RBMS3: variants seen among roughly 807,000 people sequenced by gnomAD.
RBMS3 encodes RNA-binding motif, single-stranded-interacting protein 3.
RBMS3 carries 27 observed loss-of-function variants against 66.8 expected under a neutral mutation model. The observed-to-expected ratio is 0.40, with a 90% CI of 0.30 to 0.56. The LOEUF is 0.56. Ranked by LOEUF, RBMS3 falls within the 20% of genes least tolerant of loss-of-function variation. RBMS3 has a pLI of 0.40. For missense variants in RBMS3, 513 were observed against 549.5 expected, an observed-to-expected ratio of 0.93 and a Z score of 0.66; for synonymous variants, 188 against 183.0, an observed-to-expected ratio of 1.03 and a Z score of -0.22.
intron 6 of RBMS3, among the ~76,000 whole-genome samples, chr3:29,786,896 TA>T (rs765924844): frequency 6.6e-6 from 1 of 152,006 alleles, no homozygotes; most frequent in African/African-American, 2.4e-5. Flanking sequence ...TGAGCAGAGT[TA>T]ACAGACAACC....
chr3:29,906,316 AGGC>A (rs554205404), intron 10 of RBMS3, among the ~76,000 whole-genome samples: 196 of 152,220 alleles, frequency 1.3e-3, no homozygotes, highest in Admixed American at 5.6e-3. Context: ...AGCTTGATAC[AGGC>A]AGCTGGTGAG....
intron 4 of RBMS3, among the ~76,000 whole-genome samples, chr3:29,669,896 C>T (rs2149244055): frequency 6.6e-6 from 1 of 152,270 alleles, no homozygotes; most frequent in Non-Finnish European, 1.5e-5. Flanking sequence ...AGAATCATGC[C>T]TGGGAATCTT....
rs189929344 is a variant in RBMS3 at position 29,740,781 on chromosome 3, C to G, written c.557+904C>G. Reference sequence around the variant, plus strand: ...CTAGGGCCAGGCAGGGTGGCTGACGCCTGTAATCTCAGCACTTTGGGAGGC... The same window carrying G: ...CTAGGGCCAGGCAGGGTGGCTGACGGCTGTAATCTCAGCACTTTGGGAGGC... On this transcript the variant is annotated intron_variant, in intron 5 of 14. Transcript: ENST00000383767. Among the ~76,000 whole-genome samples the G allele has an allele frequency of 3.8e-3, 572 of 152,246 alleles. 2 individuals are homozygous for G. The highest frequency in any genetic ancestry group is 6.2e-3 in the Non-Finnish European group (424 of 68,018).
At chr3:29,853,836 T>C (rs2059005559) in intron 6 of RBMS3, among the ~76,000 whole-genome samples, 1 of 152,092 alleles carries the variant, frequency 6.6e-6, no homozygotes, top group African/African-American at 2.4e-5. Context: ...AAGGTTATCT[T>C]TGGGGTCTCC....
intron 1 of RBMS3, among the ~76,000 whole-genome samples, chr3:29,424,216 T>C (rs2040855680): frequency 6.6e-6 from 1 of 152,200 alleles, no homozygotes; most frequent in African/African-American, 2.4e-5. Flanking sequence ...CCTTGAGGAA[T>C]ATGTGGGATT....
At chr3:29,387,037 T>C (rs1328496207) in intron 1 of RBMS3, among the ~76,000 whole-genome samples, 1 of 152,214 alleles carries the variant, frequency 6.6e-6, no homozygotes, top group Non-Finnish European at 1.5e-5. Flanking sequence ...CTTCTCAATC[T>C]CGCCAGCTTG....
intron 12 of RBMS3, among the ~76,000 whole-genome samples, chr3:29,987,652 C>A (rs527618039): frequency 6.6e-6 from 1 of 152,088 alleles, no homozygotes; most frequent in South Asian, 2.1e-4. Flanking sequence ...CCAATAATGC[C>A]AATGTATCAC....
At chr3:29,439,595 T>TTATTTATTTA (rs2041537116) in intron 2 of RBMS3, among the ~76,000 whole-genome samples, 1 of 150,818 alleles carries the variant, frequency 6.6e-6, no homozygotes, top group African/African-American at 2.4e-5. Flanking sequence ...TAATCTCTTT[T>TTATTTATTTA]TATTTATTTA....
chr3:29,443,966 A>T (rs374595051), intron 2 of RBMS3, among the ~76,000 whole-genome samples: 2 of 152,252 alleles, frequency 1.3e-5, no homozygotes, highest in African/African-American at 4.8e-5. Context: ...CAGAAAATGA[A>T]AAGGATTGTG....
intron 3 of RBMS3, among the ~76,000 whole-genome samples, chr3:29,514,691 CAT>C (rs1559427407): frequency 6.4e-5 from 6 of 93,964 alleles, no homozygotes; most frequent in Admixed American, 3.3e-4. Context: ...GATAGGCATA[CAT>C]ATATATGATA....
intron 1 of RBMS3, among the ~76,000 whole-genome samples, chr3:29,309,056 G>C (rs1266491085): frequency 6.6e-6 from 1 of 151,702 alleles, no homozygotes; most frequent in Non-Finnish European, 1.5e-5. Flanking sequence ...TTAATATCTG[G>C]CTTAGGACAG....
At chr3:29,759,764 G>A (rs755924504) in intron 5 of RBMS3, among the ~76,000 whole-genome samples, 5 of 151,944 alleles carry the variant, frequency 3.3e-5, no homozygotes, top group East Asian at 1.9e-4. Flanking sequence ...CTGCTTCCAC[G>A]TAAAATGCAT....
At chr3:29,634,531 C>A (rs907068527) in intron 4 of RBMS3, among the ~76,000 whole-genome samples, 3 of 151,754 alleles carry the variant, frequency 2.0e-5, no homozygotes, top group Non-Finnish European at 4.4e-5. Context: ...TAAATAAATG[C>A]CCCTATTTTG....
chr3:29,521,653 C>G (rs544357484), intron 3 of RBMS3, among the ~76,000 whole-genome samples: 3 of 152,314 alleles, frequency 2.0e-5, no homozygotes, highest in African/African-American at 7.2e-5. Flanking sequence ...AAATATGAAG[C>G]ACATGCTTTG....
chr3:29,532,207 A>G (rs2045376638), intron 3 of RBMS3, among the ~76,000 whole-genome samples: 1 of 147,702 alleles, frequency 6.8e-6, no homozygotes, highest in Admixed American at 6.8e-5. Context: ...ATCTATGTAT[A>G]TATGATCTTT....
intron 3 of RBMS3, among the ~76,000 whole-genome samples, chr3:29,546,111 TGTGTGTGTGTGTGTGTGTGTGTG>T (rs2045939246): frequency 3.8e-5 from 1 of 26,056 alleles, no homozygotes; most frequent in Non-Finnish European, 9.2e-5. Flanking sequence ...GACGGGTTTG[TGTGTGTGTGTGTGTGTGTGTGTG>T]TGTGTGTGTG....
At chr3:29,788,202 ATTTTT>A (rs34037007) in intron 6 of RBMS3, among the ~76,000 whole-genome samples, 2 of 134,992 alleles carry the variant, frequency 1.5e-5, no homozygotes, top group Admixed American at 7.6e-5. Context: ...TTTGGAGTTC[ATTTTT>A]TTTTTTTTTT....
intron 1 of RBMS3, among the ~76,000 whole-genome samples, chr3:29,351,411 C>T: frequency 6.6e-6 from 1 of 152,094 alleles, no homozygotes; most frequent in East Asian, 1.9e-4. Flanking sequence ...CTCATAATTG[C>T]TCTAACATTA....
At chr3:29,897,739 C>G (rs975703575) in intron 9 of RBMS3, among the ~76,000 whole-genome samples, 1 of 151,584 alleles carries the variant, frequency 6.6e-6, no homozygotes, top group Non-Finnish European at 1.5e-5. Context: ...AACCTTAATA[C>G]AGCTCTCTCA....
Sources: allele counts gnomAD v4.1 joint callset (sites outside exome capture counted in the v4.1 genomes callset), GRCh38; gene constraint gnomAD v4.1.1; transcripts MANE v1.5; gene names NCBI Gene and HGNC (gene_info 2026-07-23, HGNC 2026-07-21).